The following HECW1 variants were observed in gnomAD, a reference collection of about 807,000 sequenced individuals.
The protein encoded by HECW1 is HECT, C2 and WW domain containing E3 ubiquitin protein ligase 1, also known as E3 ubiquitin-protein ligase HECW1.
In HECW1, 61 loss-of-function variants were observed where a neutral mutation model predicts 182.3. The observed-to-expected ratio is 0.33, with a 90% confidence interval of 0.27 to 0.41. The LOEUF (loss-of-function observed/expected upper bound fraction) is 0.41. Ranked by LOEUF, HECW1 falls within the 10% of genes least tolerant of loss-of-function variation. The pLI, the probability that HECW1 is intolerant of heterozygous loss-of-function variation, is 1.00. For synonymous variants in HECW1, 859 were observed against 832.6 expected (o/e 1.03, Z -0.55); for missense variants, 1,739 against 2,108.9 (o/e 0.82, Z 3.44).
chr7:43,406,367 A>G (rs2075609689), intron 7 of HECW1, among the ~76,000 whole-genome samples: 1 of 152,240 alleles, frequency 6.6e-6, no homozygotes. Context: ...ACAGAGCAGT[A>G]ATACATTATC....
intron 5 of HECW1, among the ~76,000 whole-genome samples, chr7:43,344,178 A>T (rs1445901031): frequency 6.6e-6 from 1 of 151,722 alleles, no homozygotes; most frequent in East Asian, 1.9e-4. Flanking sequence ...AGATGGGTAG[A>T]TTGCAGAACT....
rs1033513576 is a variant in HECW1 at position 43,444,903 on chromosome 7, C to T, written c.1731C>T (p.Ser577=). Reference sequence around the variant, plus strand: ...GCATGCCCTCCGCCCAGGGCGGCAGCGCGGCAGAGGAGGAGGACGGCGCGG... The same window carrying T: ...GCATGCCCTCCGCCCAGGGCGGCAGTGCGGCAGAGGAGGAGGACGGCGCGG... ...LHSMPSAQGG[S]AAEEEDGAEE... The change falls in exon 11 of 30, where the codon AGC becomes AGT. Residue 577 remains serine, a synonymous_variant. Coordinates refer to ENST00000395891, the MANE Select transcript of HECW1 (RefSeq NM_015052.5). The surrounding 1 kb of genome is among the most constrained non-coding windows in gnomAD (Gnocchi z 4.3). 6.2e-7 allele frequency: 1 copy of T among 1,602,118 alleles called. No homozygotes were observed.
intron 2 of HECW1, among the ~76,000 whole-genome samples, chr7:43,208,368 C>A (rs1795685450): frequency 6.6e-6 from 1 of 152,244 alleles, no homozygotes; most frequent in South Asian, 2.1e-4. Context: ...ACTCCCACAT[C>A]TTCCTTTACC....
At chr7:43,311,576 C>A (rs1015184397) in intron 3 of HECW1, 187 bp from the exon 4 acceptor site, 1 of 761,704 alleles carries the variant, frequency 1.3e-6, no homozygotes, top group African/African-American at 1.7e-5. Flanking sequence ...TTCTTGCTGT[C>A]CCCGTGTGAA....
At position 43,564,433 on chromosome 7, in the gene HECW1, G is replaced by A; in HGVS notation, c.*2507G>A. On this transcript the variant is annotated 3_prime_UTR_variant, in exon 30 of 30. Transcript: ENST00000395891. Reference sequence around the variant, plus strand: ...TCTACCCATATACAAAAGGAATGCAGTATCTCAGAAATTATATATAGATAG... The same window carrying A: ...TCTACCCATATACAAAAGGAATGCAATATCTCAGAAATTATATATAGATAG... The A allele has an allele frequency of 5.4e-6, 1 of 184,066 alleles. No individual in the cohort carries two copies. The highest frequency in any genetic ancestry group is 1.2e-5 in the Non-Finnish European group (1 of 86,548). The allele number at this position is 184,066 out of a possible 1,614,324, so 11.4% of individuals were successfully genotyped here. A position where few individuals can be genotyped will look rare whatever the true frequency, so the allele number is the denominator to read the frequency against.
At chr7:43,126,275 A>C (rs528768136) in intron 2 of HECW1, among the ~76,000 whole-genome samples, 1 of 152,108 alleles carries the variant, frequency 6.6e-6, no homozygotes, top group Non-Finnish European at 1.5e-5. Flanking sequence ...CACTAGAAAA[A>C]TTCCTCTCTT....
chr7:43,179,108 C>T (rs575777282), intron 2 of HECW1, among the ~76,000 whole-genome samples: 1 of 152,144 alleles, frequency 6.6e-6, no homozygotes, highest in Non-Finnish European at 1.5e-5. Flanking sequence ...TCCTTTCCTC[C>T]GCAGTGAGAA....
intron 8 of HECW1, among the ~76,000 whole-genome samples, chr7:43,431,299 A>T (rs11975352): frequency 4.6e-5 from 7 of 152,036 alleles, no homozygotes. Flanking sequence ...CTCTATTTCC[A>T]TCATTCTGTT....
chr7:43,481,155 T>C (rs1291356863), intron 17 of HECW1, among the ~76,000 whole-genome samples: 1 of 152,196 alleles, frequency 6.6e-6, no homozygotes, highest in East Asian at 1.9e-4. Flanking sequence ...ATTTGCTAGA[T>C]GCAGACGTGT....
chr7:43,394,860 C>A (rs2075171635), intron 6 of HECW1, among the ~76,000 whole-genome samples: 1 of 152,156 alleles, frequency 6.6e-6, no homozygotes, highest in East Asian at 1.9e-4. Context: ...TCTCCCGGAG[C>A]ATTCAGGGGA....
intron 9 of HECW1, among the ~76,000 whole-genome samples, chr7:43,441,536 C>T (rs766493035): frequency 8.4e-5 from 12 of 143,484 alleles, no homozygotes; most frequent in Non-Finnish European, 1.9e-4. Flanking sequence ...CCAAGGACAT[C>T]CGTGTCTTTT....
chr7:43,410,827 G>A (rs1584807199), intron 8 of HECW1, among the ~76,000 whole-genome samples: 1 of 151,880 alleles, frequency 6.6e-6, no homozygotes, highest in East Asian at 1.9e-4. Context: ...GTCTTTTAAT[G>A]TTTGTAGGCT....
At chr7:43,401,397 C>T (rs1356261994) in intron 7 of HECW1, among the ~76,000 whole-genome samples, 2 of 152,046 alleles carry the variant, frequency 1.3e-5, no homozygotes, top group Non-Finnish European at 2.9e-5. Context: ...AACACATAAT[C>T]AGTGTTTTTG....
At chr7:43,269,064 ATTC>A (rs953488316) in intron 3 of HECW1, among the ~76,000 whole-genome samples, 5 of 152,074 alleles carry the variant, frequency 3.3e-5, no homozygotes, top group Non-Finnish European at 7.4e-5. Flanking sequence ...TCAGAGTGCC[ATTC>A]TTAATTCATC....
Position 43,507,343 on chromosome 7 carries a change from A to G in HECW1, c.3752+86A>G, listed in dbSNP as rs144088276. On this transcript the variant is annotated intron_variant, in intron 22 of 29. Transcript: ENST00000395891. ...CTACACCCTTGTAATATTGTTTTTG[A>G]GACTGGCTACTCTGGTGTGGTAGTG... 111 of 1,332,184 alleles carry G rather than the reference A, an allele frequency of 8.3e-5. 1 individual carries two copies. In the African/African-American group the frequency reaches 1.4e-3, roughly 17 times the overall value. The allele number at this position is 1,332,184 out of a possible 1,614,324, so 82.5% of individuals were successfully genotyped here.
At chr7:43,458,185 G>A (rs554136183) in intron 13 of HECW1, among the ~76,000 whole-genome samples, 40 of 152,296 alleles carry the variant, frequency 2.6e-4, no homozygotes, top group Admixed American at 2.2e-3. Context: ...GATTCCATAG[G>A]CAGAAGTTAG....
At chr7:43,513,062 T>G (rs760436171) in intron 24 of HECW1, among the ~76,000 whole-genome samples, 1 of 152,174 alleles carries the variant, frequency 6.6e-6, no homozygotes, top group Non-Finnish European at 1.5e-5. Context: ...CCTGGCACTT[T>G]CAGGTGTTCA....
chr7:43,334,816 G>A (rs1424139171), intron 5 of HECW1, among the ~76,000 whole-genome samples: 1 of 152,154 alleles, frequency 6.6e-6, no homozygotes, highest in Non-Finnish European at 1.5e-5. Context: ...GGAAAATACA[G>A]TTACAAATAG....
intron 5 of HECW1, among the ~76,000 whole-genome samples, chr7:43,342,435 A>G (rs1416415340): frequency 6.6e-6 from 1 of 151,814 alleles, no homozygotes; most frequent in Admixed American, 6.5e-5. Context: ...AAGGTTTTAT[A>G]CAATTAATGT....
Sources: allele counts gnomAD v4.1 joint callset (sites outside exome capture counted in the v4.1 genomes callset), GRCh38; gene constraint gnomAD v4.1.1; non-coding constraint Gnocchi (gnomAD v3.1); transcripts MANE v1.5; gene names NCBI Gene and HGNC (gene_info 2026-07-23, HGNC 2026-07-21).